The following LDB2 variants were observed in gnomAD, a reference collection of about 807,000 sequenced individuals.
LDB2 encodes the protein LIM domain-binding protein 2.
Under a neutral mutation model 44.3 loss-of-function variants are expected in LDB2, and 12 were observed. The observed-to-expected ratio is 0.27, with a 90% CI of 0.17 to 0.44. The LOEUF (loss-of-function observed/expected upper bound fraction) is 0.44, where lower values mean the gene tolerates loss of function less well. Ranked by LOEUF, LDB2 falls within the 20% of genes least tolerant of loss-of-function variation. The probability of loss-of-function intolerance (pLI) is 1.00; values close to 1 mark genes in which losing one functional copy is unlikely to be tolerated. For synonymous variants in LDB2, 164 were observed against 174.8 expected (o/e 0.94, Z 0.49); for missense variants, 344 against 473.5 (o/e 0.73, Z 2.54).
At chr4:16,770,838 G>C (rs539863503) in intron 1 of LDB2, among the ~76,000 whole-genome samples, 1 of 152,074 alleles carries the variant, frequency 6.6e-6, no homozygotes, top group Non-Finnish European at 1.5e-5. Flanking sequence ...TGAAAATGAC[G>C]TGGAAAGGCA....
chr4:16,768,817 T>C (rs890111308), intron 1 of LDB2, among the ~76,000 whole-genome samples: 1 of 152,126 alleles, frequency 6.6e-6, no homozygotes, highest in Non-Finnish European at 1.5e-5. Flanking sequence ...ATAAACCCCT[T>C]AAAACCTCAC....
chr4:16,677,325 T>C (rs751507966), intron 2 of LDB2, among the ~76,000 whole-genome samples: 2 of 152,178 alleles, frequency 1.3e-5, no homozygotes, highest in Non-Finnish European at 2.9e-5. Context: ...AATAAGCATA[T>C]GTGCATAAAA....
At position 16,535,434 on chromosome 4, in the gene LDB2, C is replaced by T. The variant is rs529617116; in HGVS notation, c.616-23330G>A. Among the ~76,000 whole-genome samples the T allele has an allele frequency of 8.5e-5, 13 of 152,302 alleles. 1 individual carries two copies. In the South Asian group the frequency reaches 2.7e-3, roughly 32 times the overall value. ...TATAGTCATTCATTTATTCATCCAA[C>T]AAATATGTTTTGAGTGTCCACATTC... On this transcript the variant is annotated intron_variant, in intron 5 of 7. Coordinates refer to ENST00000304523, the MANE Select transcript of LDB2 (RefSeq NM_001290.5).
chr4:16,726,891 A>T (rs1759598986), intron 2 of LDB2, among the ~76,000 whole-genome samples: 1 of 152,242 alleles, frequency 6.6e-6, no homozygotes, highest in Non-Finnish European at 1.5e-5. Context: ...AGCTTTAAAT[A>T]GACACTAACA....
At chr4:16,762,516 G>A (rs1201737284) in intron 1 of LDB2, among the ~76,000 whole-genome samples, 1 of 152,066 alleles carries the variant, frequency 6.6e-6, no homozygotes, top group African/African-American at 2.4e-5. Flanking sequence ...ATGGTGGAAG[G>A]GGAGGAGAGG....
intron 1 of LDB2, among the ~76,000 whole-genome samples, chr4:16,834,964 T>A (rs545670521): frequency 6.6e-6 from 1 of 152,302 alleles, no homozygotes; most frequent in East Asian, 1.9e-4. Context: ...TATTCCTACA[T>A]TCCAGATGAG....
In LDB2 at chr4:16,739,743, C is replaced by T. The variant is rs28799108; in HGVS notation, c.235+19415G>A. Among the ~76,000 whole-genome samples, 83 of 96,256 alleles carry T rather than the reference C, an allele frequency of 8.6e-4. 19 individuals are homozygous for T. The East Asian group carries it at 0.031, about 35-fold the overall frequency. The allele number at this position is 96,256 out of a possible 152,430, so 63.1% of individuals were successfully genotyped here. On this transcript the variant is annotated intron_variant, in intron 2 of 7. Coordinates refer to ENST00000304523, the MANE Select transcript of LDB2 (RefSeq NM_001290.5). Reference sequence around the variant, plus strand: ...ATATACATATATGTGTATATACATACATATACATATATATATAACTATTCT... The same window carrying T: ...ATATACATATATGTGTATATACATATATATACATATATATATAACTATTCT...
chr4:16,824,162 G>T (rs1782610068), intron 1 of LDB2, among the ~76,000 whole-genome samples: 1 of 152,108 alleles, frequency 6.6e-6, no homozygotes, highest in African/African-American at 2.4e-5. Context: ...CCGTCCTTTG[G>T]TTTTTAGACA....
intron 2 of LDB2, among the ~76,000 whole-genome samples, chr4:16,660,588 G>T (rs1741302821): frequency 6.6e-6 from 1 of 152,124 alleles, no homozygotes; most frequent in African/African-American, 2.4e-5. Flanking sequence ...CCTACTACAT[G>T]CCAGGCACCT....
At chr4:16,699,866 C>G (rs571539605) in intron 2 of LDB2, among the ~76,000 whole-genome samples, 5 of 152,266 alleles carry the variant, frequency 3.3e-5, no homozygotes, top group African/African-American at 1.2e-4. Flanking sequence ...ATGGCGAACG[C>G]TGCATCCACT....
chr4:16,893,522 AC>A (rs111241328), intron 1 of LDB2, among the ~76,000 whole-genome samples: 8,407 of 150,978 alleles, frequency 0.056, 264 homozygotes, highest in African/African-American at 0.065. Context: ...CCTCCTCCCC[AC>A]CCCCTCCCCA....
intron 1 of LDB2, among the ~76,000 whole-genome samples, chr4:16,794,425 A>G (rs1162405027): frequency 1.3e-5 from 2 of 152,168 alleles, no homozygotes; most frequent in South Asian, 2.1e-4. Flanking sequence ...ATCTCTATGA[A>G]AAATGCACGT....
At chr4:16,549,824 A>G (rs1040877395) in intron 5 of LDB2, among the ~76,000 whole-genome samples, 4 of 152,252 alleles carry the variant, frequency 2.6e-5, no homozygotes, top group African/African-American at 9.6e-5. Context: ...TCTCTGTAAG[A>G]GTTACAAAAT....
intron 2 of LDB2, among the ~76,000 whole-genome samples, chr4:16,684,173 C>T (rs1748645957): frequency 1.3e-5 from 2 of 152,194 alleles, no homozygotes; most frequent in African/African-American, 2.4e-5. Flanking sequence ...CAAACTTTCT[C>T]TTTTCTACAG....
intron 1 of LDB2, among the ~76,000 whole-genome samples, chr4:16,769,298 A>AT (rs1231190989): frequency 1.1e-4 from 5 of 45,448 alleles, no homozygotes; most frequent in South Asian, 1.3e-3. Context: ...TTTATTTTTT[A>AT]TTTTTATTTT....
intron 2 of LDB2, among the ~76,000 whole-genome samples, chr4:16,677,859 T>C (rs1359540252): frequency 3.9e-5 from 6 of 152,218 alleles, no homozygotes; most frequent in Admixed American, 2.0e-4. Context: ...TGTTAGTCTA[T>C]TAAGAAACAC....
intron 5 of LDB2, among the ~76,000 whole-genome samples, chr4:16,553,922 A>T (rs1349174008): frequency 6.6e-5 from 10 of 152,100 alleles, no homozygotes. Flanking sequence ...ATTCATGCCC[A>T]CACCCTCAAA....
At chr4:16,765,914 T>C (rs1390136898) in intron 1 of LDB2, among the ~76,000 whole-genome samples, 1 of 152,184 alleles carries the variant, frequency 6.6e-6, no homozygotes, top group African/African-American at 2.4e-5. Context: ...TACATCTCAG[T>C]GAAATGTTGG....
intron 1 of LDB2, among the ~76,000 whole-genome samples, chr4:16,807,606 T>C (rs374817408): frequency 6.6e-6 from 1 of 152,362 alleles, no homozygotes. Flanking sequence ...TTACAGCTAA[T>C]GAGCTATTTC....
Sources: gnomAD v4.1 joint callset for allele counts (sites outside exome capture counted in the v4.1 genomes callset) on GRCh38, gnomAD v4.1.1 for gene constraint, MANE v1.5 for transcripts, NCBI Gene and HGNC (gene_info 2026-07-23, HGNC 2026-07-21) for gene names.